GPC3: variants seen among roughly 807,000 people sequenced by gnomAD.
GPC3 encodes the protein glypican-3.
In GPC3, 3 loss-of-function variants were observed where a neutral mutation model predicts 34.4. The ratio of observed to expected loss-of-function variants is 0.09; its 90% CI spans 0.04 to 0.23. The LOEUF (loss-of-function observed/expected upper bound fraction) is 0.23. Among genes scored for constraint, GPC3 ranks in the 10% least tolerant of loss-of-function variants. The pLI is 1.00. For synonymous variants in GPC3, 177 were observed against 174.0 expected (o/e 1.02, Z -0.13); for missense variants, 351 against 445.6 (o/e 0.79, Z 1.91).
At chrX:133,645,726 G>C (rs1569404562) in intron 6 of GPC3, among the ~76,000 whole-genome samples, 3 of 111,263 alleles carry the variant, frequency 2.7e-5, no homozygotes, top group Non-Finnish European at 5.6e-5. Flanking sequence ...CTTGATCACT[G>C]TCTTTCTCCA....
chrX:133,614,826 A>G (rs1196327391), intron 6 of GPC3, among the ~76,000 whole-genome samples: 1 of 111,670 alleles, frequency 9.0e-6, no homozygotes, highest in Non-Finnish European at 1.9e-5. Context: ...AGAAACAGAG[A>G]GAAGACTCAA....
chrX:133,889,414 C>A (rs2076075786), intron 2 of GPC3, among the ~76,000 whole-genome samples: 1 of 111,976 alleles, frequency 8.9e-6, no homozygotes, highest in Non-Finnish European at 1.9e-5. Context: ...GAGAAATGCA[C>A]AGAATCACTC....
rs1277813421 is a variant in GPC3, at chrX:133,868,904, A to G, written c.337+84146T>C. On this transcript the variant is annotated intron_variant, in intron 2 of 7. Coordinates refer to ENST00000370818, the MANE Select transcript of GPC3 (RefSeq NM_004484.4). ...CATCTGTATCTACTTAAGCCCAGAA[A>G]CCCTTTTGAGGTTTTGTAAGGGGTT... Among the ~76,000 whole-genome samples the G allele has an allele frequency of 1.3e-4, 15 of 111,773 alleles. No homozygotes were observed. In the Admixed American group the frequency reaches 1.4e-3, roughly 11 times the overall value.
chrX:133,664,756 TA>T (rs750889670), intron 5 of GPC3, among the ~76,000 whole-genome samples: 215 of 97,234 alleles, frequency 2.2e-3, no homozygotes, highest in African/African-American at 6.4e-3. Context: ...TGCAGTATTT[TA>T]ATACAAAAAA....
At chrX:133,863,602 AACACACAC>A (rs58143389) in intron 2 of GPC3, among the ~76,000 whole-genome samples, 1 of 97,059 alleles carries the variant, frequency 1.0e-5, no homozygotes, top group African/African-American at 4.1e-5. Flanking sequence ...CACCAACATC[AACACACAC>A]ACACACACAC....
intron 1 of GPC3, 119 bp from the exon 2 acceptor site, chrX:133,953,330 C>A: frequency 1.7e-6 from 1 of 582,072 alleles, no homozygotes. Context: ...GCAAACAATG[C>A]ATTTCTTTTG....
rs59127244 is a variant in GPC3, at chrX:133,655,504, A to ACC, written c.1413+6224_1413+6225dup. Among the ~76,000 whole-genome samples the ACC allele has an allele frequency of 1.7e-4, 18 of 104,993 alleles. No individual in the cohort carries two copies. The South Asian group carries it at 5.4e-3, about 32-fold the overall frequency. 91.2% of individuals were successfully genotyped at this position (104,993 alleles called of 115,157 possible). A position where few individuals can be genotyped will look rare whatever the true frequency, so the allele number is the denominator to read the frequency against. ...CACACACACACACACACACACACAC[A>ACC]CCCACACACACACACACACACACAT... On this transcript the variant is annotated intron_variant, in intron 6 of 7. Coordinates refer to ENST00000370818, the MANE Select transcript of GPC3 (RefSeq NM_004484.4).
intron 6 of GPC3, among the ~76,000 whole-genome samples, chrX:133,657,693 G>T (rs2070676764): frequency 9.0e-6 from 1 of 111,297 alleles, no homozygotes; most frequent in Non-Finnish European, 1.9e-5. Flanking sequence ...TCCCCTCAAG[G>T]TTATACCATG....
At chrX:133,911,525 C>G (rs960821482) in intron 2 of GPC3, among the ~76,000 whole-genome samples, 6 of 111,811 alleles carry the variant, frequency 5.4e-5, no homozygotes, top group Non-Finnish European at 1.1e-4. Flanking sequence ...TCTTTCAACT[C>G]TATGCTGCCA....
At chrX:133,875,471 C>T (rs2076012569) in intron 2 of GPC3, among the ~76,000 whole-genome samples, 1 of 111,675 alleles carries the variant, frequency 9.0e-6, no homozygotes, top group African/African-American at 3.3e-5. Flanking sequence ...CTTTCTCTTC[C>T]ACTATACTAT....
chrX:133,814,653 C>T (rs776604940), intron 2 of GPC3, among the ~76,000 whole-genome samples: 5 of 110,674 alleles, frequency 4.5e-5, no homozygotes, highest in South Asian at 7.9e-4. Flanking sequence ...CTGCAACCTC[C>T]GCCTCCCAGG....
intron 5 of GPC3, among the ~76,000 whole-genome samples, chrX:133,669,965 T>C (rs1466309777): frequency 9.0e-6 from 1 of 110,898 alleles, no homozygotes; most frequent in African/African-American, 3.3e-5. Context: ...TGGTTAGGGA[T>C]TGCGGAGGGG....
At chrX:133,556,995 A>G (rs1264712497) in intron 7 of GPC3, among the ~76,000 whole-genome samples, 5 of 111,369 alleles carry the variant, frequency 4.5e-5, no homozygotes, top group Non-Finnish European at 9.4e-5. Flanking sequence ...CTGCTATTAA[A>G]AAGTATTCAT....
At position 133,762,961 on chromosome X, in the gene GPC3, G is replaced by A. The variant is rs1180549571; in HGVS notation, c.338-8785C>T. On this transcript the variant is annotated intron_variant, in intron 2 of 7. Coordinates refer to ENST00000370818, the MANE Select transcript of GPC3 (RefSeq NM_004484.4). The stretch of plus-strand genomic sequence containing the variant: ...CATCCTAAATCTGAAGAGGACCTGG[G>A]AGAATCTTCTGCTGGCAGCTCGTAC... 3 of 624,873 alleles carry A rather than the reference G, an allele frequency of 4.8e-6. No individual in the cohort carries two copies. In the East Asian group the frequency reaches 9.7e-5, roughly 20 times the overall value. 51.5% of individuals were successfully genotyped at this position (624,873 alleles called of 1,213,427 possible).
At chrX:133,633,204 T>C (rs1169697260) in intron 6 of GPC3, among the ~76,000 whole-genome samples, 1 of 112,494 alleles carries the variant, frequency 8.9e-6, no homozygotes, top group East Asian at 2.8e-4. Flanking sequence ...TAGCATTTTG[T>C]CAATTAAACA....
At chrX:133,777,882 G>A (rs757886535) in intron 2 of GPC3, among the ~76,000 whole-genome samples, 6 of 111,850 alleles carry the variant, frequency 5.4e-5, no homozygotes, top group African/African-American at 1.9e-4. Context: ...GGAAACTGAC[G>A]AGGCAGGAAC....
At chrX:133,889,631 T>C (rs1423826197) in intron 2 of GPC3, among the ~76,000 whole-genome samples, 1 of 104,756 alleles carries the variant, frequency 9.5e-6, no homozygotes, top group Non-Finnish European at 2.0e-5. Flanking sequence ...ATTTTTTCTA[T>C]TTTTTTTTTT....
chrX:133,963,599 T>C (rs1314142656), intron 1 of GPC3, among the ~76,000 whole-genome samples: 2 of 112,026 alleles, frequency 1.8e-5, no homozygotes, highest in Admixed American at 1.9e-4. Flanking sequence ...GTGTCTTTCA[T>C]GTTTCTCCCC....
intron 7 of GPC3, among the ~76,000 whole-genome samples, chrX:133,542,333 CA>C (rs1282419259): frequency 2.7e-5 from 3 of 111,253 alleles, no homozygotes; most frequent in Non-Finnish European, 5.7e-5. Context: ...TGGGGTGCAT[CA>C]AGCAGGCATG....
Sources: allele counts gnomAD v4.1 joint callset (sites outside exome capture counted in the v4.1 genomes callset), GRCh38; gene constraint gnomAD v4.1.1; transcripts MANE v1.5; gene names NCBI Gene and HGNC (gene_info 2026-07-23, HGNC 2026-07-21).